ZC3H8: variants seen among roughly 807,000 people sequenced by gnomAD.
The protein encoded by ZC3H8 is zinc finger CCCH-type containing 8, also known as zinc finger CCCH domain-containing protein 8.
In ZC3H8, 27 loss-of-function variants were observed where a neutral mutation model predicts 42.5. The ratio of observed to expected loss-of-function variants is 0.64; its 90% CI spans 0.47 to 0.88. ZC3H8 has a LOEUF of 0.88. Among genes scored for constraint, ZC3H8 ranks in the 40% least tolerant of loss-of-function variants. The probability of loss-of-function intolerance (pLI) is 0.00; values close to 1 mark genes in which losing one functional copy is unlikely to be tolerated. For synonymous variants in ZC3H8, 101 were observed against 110.1 expected (o/e 0.92, Z 0.52); for missense variants, 277 against 336.1 (o/e 0.82, Z 1.37).
At chr2:112,222,088 G>A (rs543023972) in intron 8 of ZC3H8, among the ~76,000 whole-genome samples, 2 of 152,168 alleles carry the variant, frequency 1.3e-5, no homozygotes, top group South Asian at 4.2e-4. Flanking sequence ...TATAAGGTGG[G>A]ATCAGTTGAC....
chr2:112,226,283 T>C (rs1187811708), intron 8 of ZC3H8, among the ~76,000 whole-genome samples: 1 of 151,706 alleles, frequency 6.6e-6, no homozygotes, highest in East Asian at 1.9e-4. Flanking sequence ...GAATCTGTTA[T>C]GTAAAATCTA....
At chr2:112,235,921 T>C (rs1022443121) in intron 4 of ZC3H8, among the ~76,000 whole-genome samples, 1 of 142,904 alleles carries the variant, frequency 7.0e-6, no homozygotes, top group African/African-American at 2.6e-5. Context: ...TCCCGAGTCA[T>C]TGATAGTATA....
chr2:112,245,382 G>A (rs11693294), intron 2 of ZC3H8, among the ~76,000 whole-genome samples: 16,360 of 152,226 alleles, frequency 0.11, 1,187 homozygotes, highest in Non-Finnish European at 0.16. Context: ...GGCCAGGCGC[G>A]GTGGCTCACG....
intron 2 of ZC3H8, among the ~76,000 whole-genome samples, chr2:112,246,705 A>G (rs1573924342): frequency 6.6e-6 from 1 of 152,356 alleles, no homozygotes; most frequent in East Asian, 1.9e-4. Context: ...GATGCAATCT[A>G]TTTCTGGTGA....
chr2:112,241,639 G>T (rs1485545669), intron 2 of ZC3H8, among the ~76,000 whole-genome samples: 3 of 152,308 alleles, frequency 2.0e-5, no homozygotes, highest in Middle Eastern at 3.4e-3. Context: ...AGCAGTATCA[G>T]CAGTGCCTGT....
At chr2:112,247,658 A>G (rs1047753857) in intron 2 of ZC3H8, among the ~76,000 whole-genome samples, 1 of 152,236 alleles carries the variant, frequency 6.6e-6, no homozygotes, top group African/African-American at 2.4e-5. Context: ...TTGTGAGTGA[A>G]GAGGCTGCAC....
intron 1 of ZC3H8, among the ~76,000 whole-genome samples, chr2:112,250,680 A>G (rs1284360864): frequency 1.3e-5 from 2 of 152,204 alleles, no homozygotes; most frequent in Non-Finnish European, 2.9e-5. Flanking sequence ...AAAAAAATAA[A>G]GCTATTTCAA....
At chr2:112,250,603 T>C (rs1685912493) in intron 1 of ZC3H8, among the ~76,000 whole-genome samples, 1 of 152,224 alleles carries the variant, frequency 6.6e-6, no homozygotes, top group Admixed American at 6.5e-5. Context: ...CCTTAGGCCC[T>C]GGACTACAAC....
At chr2:112,244,801 T>TGTGTTCTGAC (rs1287579864) in intron 2 of ZC3H8, among the ~76,000 whole-genome samples, 1 of 152,220 alleles carries the variant, frequency 6.6e-6, no homozygotes, top group Non-Finnish European at 1.5e-5. Context: ...AAATGTTGCA[T>TGTGTTCTGAC]GTGTTCTGAC....
chr2:112,233,171 C>T, intron 6 of ZC3H8, 89 bp downstream of exon 6: 1 of 806,480 alleles, frequency 1.2e-6, no homozygotes. Flanking sequence ...TTTGGTATAC[C>T]TAAAACACTG....
intron 2 of ZC3H8, among the ~76,000 whole-genome samples, chr2:112,242,283 C>G (rs890405707): frequency 6.6e-6 from 1 of 152,098 alleles, no homozygotes; most frequent in African/African-American, 2.4e-5. Flanking sequence ...CAAAAGAAAT[C>G]AAAAGAATAT....
intron 6 of ZC3H8, 37 bp downstream of exon 6, chr2:112,233,223 T>C (rs1464859241): frequency 9.9e-6 from 12 of 1,208,520 alleles, no homozygotes; most frequent in Non-Finnish European, 1.3e-5. Context: ...TTCATGTAAA[T>C]ATTTATAAAG....
intron 2 of ZC3H8, among the ~76,000 whole-genome samples, chr2:112,248,347 A>G (rs1429469056): frequency 2.1e-4 from 31 of 148,644 alleles, no homozygotes; most frequent in Non-Finnish European, 2.8e-4. Context: ...AAAAGAAAGA[A>G]AAAGAAAAAG....
intron 8 of ZC3H8, among the ~76,000 whole-genome samples, chr2:112,222,404 T>C (rs1255246551): frequency 6.6e-6 from 1 of 152,078 alleles, no homozygotes; most frequent in Non-Finnish European, 1.5e-5. Context: ...AGGGTGGAGT[T>C]GCCTGCCCTG....
intron 5 of ZC3H8, 146 bp downstream of exon 5, chr2:112,233,974 A>AT: frequency 1.9e-6 from 1 of 523,944 alleles, no homozygotes; most frequent in Non-Finnish European, 3.2e-6. Context: ...TTTTTTAAAC[A>AT]TAAAAGAATA....
intron 4 of ZC3H8, 72 bp downstream of exon 4, chr2:112,236,490 G>A (rs1293864520): frequency 5.4e-5 from 84 of 1,565,786 alleles, no homozygotes; most frequent in Non-Finnish European, 6.7e-5. Context: ...AGCACTTCTT[G>A]TCACTGAAGT....
rs67273091 is a variant in ZC3H8, at chr2:112,240,952, A to AGTGTGTGT, written c.157-2432_157-2425dup. On this transcript the variant is annotated intron_variant, in intron 2 of 8. Transcript: ENST00000409573. ...CCTCCAAAATTAAAGTACAGGTAAC[A>AGTGTGTGT]GTGTGTGTGTGTGTGTGTGTGTGTG... Among the ~76,000 whole-genome samples, 958 of 142,698 alleles carry AGTGTGTGT rather than the reference A, an allele frequency of 6.7e-3. 13 individuals carry two copies. Among genetic ancestry groups the AGTGTGTGT allele is most frequent in the African/African-American group, 0.015 (583 of 37,986 alleles). The allele number at this position is 142,698 out of a possible 152,430, so 93.6% of individuals were successfully genotyped here.
chr2:112,211,614 A>T lies in ZC3H8; in HGVS notation c.*4870T>A, dbSNP rs1436394838. 2.0e-5 allele frequency: 3 copies of T among 152,258 alleles called. No individual in the cohort carries two copies. Among genetic ancestry groups the T allele is most frequent in the Non-Finnish European group, 4.4e-5 (3 of 68,040 alleles). 9.4% of individuals were successfully genotyped at this position (152,258 alleles called of 1,614,324 possible). A position where few individuals can be genotyped will look rare whatever the true frequency, so the allele number is the denominator to read the frequency against. ...ATCTAAATGCCACTGAATCAATAAG[A>T]TTCACCATTTCTTATGTACTGCTAA... On this transcript the variant is annotated 3_prime_UTR_variant, in exon 9 of 9. Coordinates refer to ENST00000409573, the MANE Select transcript of ZC3H8 (RefSeq NM_032494.3).
intron 8 of ZC3H8, among the ~76,000 whole-genome samples, chr2:112,225,518 C>T (rs985715473): frequency 6.6e-6 from 1 of 152,042 alleles, no homozygotes; most frequent in African/African-American, 2.4e-5. Flanking sequence ...GATTAAAAGC[C>T]TCAATGTCAC....
Sources: gnomAD v4.1 joint callset for allele counts (sites outside exome capture counted in the v4.1 genomes callset) on GRCh38, gnomAD v4.1.1 for gene constraint, MANE v1.5 for transcripts, NCBI Gene and HGNC (gene_info 2026-07-23, HGNC 2026-07-21) for gene names.